Variants in OPRM1 observed in about 807,000 individuals in gnomAD.
The protein encoded by OPRM1 is opioid receptor mu 1, also known as mu-type opioid receptor.
OPRM1 carries 27 observed loss-of-function variants against 31.8 expected under a neutral mutation model. The ratio of observed to expected loss-of-function variants is 0.85; its 90% CI spans 0.63 to 1.17. OPRM1 has a LOEUF of 1.17. Among genes scored for constraint, OPRM1 ranks in the 50% most tolerant of loss-of-function variants. The pLI is 0.00. For synonymous variants in OPRM1, 196 were observed against 189.9 expected (o/e 1.03, Z -0.26); for missense variants, 536 against 511.1 (o/e 1.05, Z -0.47).
chr6:154,155,059 T>C (rs972308385), intron 3 of OPRM1: 5 of 152,160 alleles, frequency 3.3e-5, no homozygotes, highest in Admixed American at 6.5e-5. Flanking sequence ...TTATTTTCAA[T>C]GTTTTCTATG....
chr6:154,114,341 C>T (rs185336068), intron 3 of OPRM1, among the ~76,000 whole-genome samples: 51 of 152,142 alleles, frequency 3.4e-4, no homozygotes, highest in African/African-American at 1.1e-3. Flanking sequence ...AATTAAGAGC[C>T]TTTCTGGGAC....
At chr6:154,141,408 G>A (rs1051531698) in intron 3 of OPRM1, among the ~76,000 whole-genome samples, 14 of 152,296 alleles carry the variant, frequency 9.2e-5, no homozygotes, top group African/African-American at 3.1e-4. Flanking sequence ...TGGAGGCCTT[G>A]ATGGGGGTGG....
intron 3 of OPRM1, among the ~76,000 whole-genome samples, chr6:154,146,078 C>T (rs1436795905): frequency 6.6e-6 from 1 of 152,162 alleles, no homozygotes; most frequent in Non-Finnish European, 1.5e-5. Context: ...TACAAAGAGA[C>T]ATTTGGTTAA....
intron 1 of OPRM1, among the ~76,000 whole-genome samples, chr6:154,031,970 A>T (rs1346642512): frequency 6.6e-6 from 1 of 152,180 alleles, no homozygotes; most frequent in Non-Finnish European, 1.5e-5. Context: ...CCTGTACATT[A>T]TGGGGAGCCA....
upstream of OPRM1, among the ~76,000 whole-genome samples, chr6:154,035,862 C>T (rs531677140): frequency 2.6e-5 from 4 of 152,048 alleles, no homozygotes; most frequent in Admixed American, 6.5e-5. Flanking sequence ...ATTCTTGCTT[C>T]GAATAGAAAG....
chr6:154,151,653 G>T (rs766208676), intron 3 of OPRM1, among the ~76,000 whole-genome samples: 1 of 152,098 alleles, frequency 6.6e-6, no homozygotes, highest in Non-Finnish European at 1.5e-5. Flanking sequence ...AGAGCCTCTG[G>T]CATGAGGACA....
In OPRM1 at chr6:154,100,110, T is replaced by TATATTATCATATTATGACATATCATAA. The variant is rs1562472323; in HGVS notation, c.1164+8638_1164+8639insATATTATCATATTATGACATATCATAA. Among the ~76,000 whole-genome samples, 16 of 24,724 alleles carry TATATTATCATATTATGACATATCATAA rather than the reference T, an allele frequency of 6.5e-4. 3 individuals carry two copies. The highest frequency in any genetic ancestry group is 1.1e-3 in the African/African-American group (9 of 8,530). 16.2% of individuals were successfully genotyped at this position (24,724 alleles called of 152,430 possible). Reference sequence around the variant, plus strand: ...ATATTATCATATTATGATATATATATTATATATTATCATATTATGACATAT... The same window carrying TATATTATCATATTATGACATATCATAA: ...ATATTATCATATTATGATATATATATATATTATCATATTATGACATATCATAATATATATTATCATATTATGACATAT... On this transcript the variant is annotated intron_variant, in intron 3 of 3. Transcript: ENST00000330432.
At position 154,091,316 on chromosome 6, in the gene OPRM1, C is replaced by T. The variant is rs778895453; in HGVS notation, c.1008C>T (p.Val336=). 6.2e-7 allele frequency: 1 copy of T among 1,614,172 alleles called. No homozygotes were observed. The highest frequency in any genetic ancestry group is 2.2e-5 in the East Asian group (1 of 44,894). Reference sequence around the variant, plus strand: ...ACACAAACAGCTGCCTCAACCCAGTCCTTTATGCATTTCTGGATGAAAACT... The same window carrying T: ...ACACAAACAGCTGCCTCAACCCAGTTCTTTATGCATTTCTGGATGAAAACT... The part of the protein sequence containing the change: ...LGYTNSCLNP[V]LYAFLDENFK... Residue 336 remains valine (V), a synonymous_variant, in exon 3 of 4, where the codon GTC becomes GTT. Coordinates refer to ENST00000330432, the MANE Select transcript of OPRM1 (RefSeq NM_000914.5).
chr6:154,025,356 T>C (rs962165302), intron 1 of OPRM1, among the ~76,000 whole-genome samples: 14 of 152,086 alleles, frequency 9.2e-5, no homozygotes, highest in African/African-American at 3.1e-4. Context: ...TGCTCTTTTT[T>C]GGTTTCCATT....
rs1327785440 is a variant in OPRM1 at position 154,107,526 on chromosome 6, C to G, written c.1165-11157C>G. On this transcript the variant is annotated intron_variant, in intron 3 of 3. Transcript: ENST00000330432. ...AAGCCTTGGCCACTGAGCTACAATG[C>G]AGGGCAGTCTCCATTTCCCTTCCCA... The G allele has an allele frequency of 5.6e-6, 4 of 718,566 alleles. No homozygotes were observed. In the East Asian group the frequency reaches 8.0e-5, roughly 14 times the overall value. 44.5% of individuals were successfully genotyped at this position (718,566 alleles called of 1,614,324 possible). A position where few individuals can be genotyped will look rare whatever the true frequency, so the allele number is the denominator to read the frequency against.
intron 1 of OPRM1, among the ~76,000 whole-genome samples, chr6:154,057,062 C>T (rs967139777): frequency 6.6e-6 from 1 of 152,096 alleles, no homozygotes; most frequent in Admixed American, 6.5e-5. Context: ...ATAAATAAAA[C>T]ACATATCTAA....
At chr6:154,231,701 T>A (rs1407900349) in intron 3 of OPRM1, among the ~76,000 whole-genome samples, 1 of 151,938 alleles carries the variant, frequency 6.6e-6, no homozygotes, top group Non-Finnish European at 1.5e-5. Flanking sequence ...AAAAGAAACA[T>A]GGGAAAATAA....
At chr6:154,045,642 T>C (rs1314758124) in intron 1 of OPRM1, among the ~76,000 whole-genome samples, 1 of 152,224 alleles carries the variant, frequency 6.6e-6, no homozygotes, top group African/African-American at 2.4e-5. Context: ...CCTCGCCTTC[T>C]ACCTCAGCCG....
intron 3 of OPRM1, among the ~76,000 whole-genome samples, chr6:154,105,433 A>G (rs975641647): frequency 2.6e-5 from 4 of 152,218 alleles, no homozygotes; most frequent in South Asian, 2.1e-4. Context: ...CCATGTCTTC[A>G]TGAGTTCTGA....
intron 3 of OPRM1, among the ~76,000 whole-genome samples, chr6:154,230,505 GA>G (rs2128625770): frequency 6.6e-6 from 1 of 152,194 alleles, no homozygotes; most frequent in African/African-American, 2.4e-5. Context: ...AAGTATTTTG[GA>G]AAATATACAA....
intron 3 of OPRM1, among the ~76,000 whole-genome samples, chr6:154,235,230 T>C (rs967824871): frequency 1.3e-5 from 2 of 152,180 alleles, no homozygotes; most frequent in African/African-American, 4.8e-5. Context: ...CTTTGAATAT[T>C]AGAGATTTAG....
At chr6:154,141,749 G>A (rs1798218078) in intron 3 of OPRM1, among the ~76,000 whole-genome samples, 1 of 152,210 alleles carries the variant, frequency 6.6e-6, no homozygotes, top group Non-Finnish European at 1.5e-5. Context: ...GCATTCTTTT[G>A]AGTTTCCGAT....
chr6:154,237,813 C>T (rs1269725484), intron 3 of OPRM1, among the ~76,000 whole-genome samples: 1 of 152,062 alleles, frequency 6.6e-6, no homozygotes, highest in Non-Finnish European at 1.5e-5. Context: ...TATGTTTATA[C>T]ACATGCATAT....
intron 3 of OPRM1, chr6:154,199,656 T>G: frequency 6.4e-7 from 1 of 1,574,568 alleles, no homozygotes; most frequent in South Asian, 1.2e-5. Flanking sequence ...AATAAATAAT[T>G]TATTGGTTTA....
Sources: gnomAD v4.1 joint callset for allele counts (sites outside exome capture counted in the v4.1 genomes callset) on GRCh38, gnomAD v4.1.1 for gene constraint, MANE v1.5 for transcripts, NCBI Gene and HGNC (gene_info 2026-07-23, HGNC 2026-07-21) for gene names.